The following ZBBX variants were observed in gnomAD, a reference collection of about 807,000 sequenced individuals.
ZBBX encodes zinc finger B-box domain containing.
Under a neutral mutation model 108.5 loss-of-function variants are expected in ZBBX, and 101 were observed. The observed-to-expected ratio is 0.93, with a 90% CI of 0.79 to 1.10. The LOEUF (loss-of-function observed/expected upper bound fraction) is 1.10, where lower values mean the gene tolerates loss of function less well. Among genes scored for constraint, ZBBX ranks in the 50% least tolerant of loss-of-function variants. The pLI is 0.00. For missense variants in ZBBX, 1,009 were observed against 941.4 expected, an observed-to-expected ratio of 1.07 and a Z score of -0.94; for synonymous variants, 356 against 323.4, an observed-to-expected ratio of 1.10 and a Z score of -1.08.
chr3:167,300,034 A>G, intron 17 of ZBBX, among the ~76,000 whole-genome samples: 1 of 152,188 alleles, frequency 6.6e-6, no homozygotes, highest in East Asian at 1.9e-4. Context: ...ATCTCCTATA[A>G]TAAGATGCTC....
intron 1 of ZBBX, among the ~76,000 whole-genome samples, chr3:167,399,170 AT>A (rs1748342217): frequency 6.6e-6 from 1 of 152,080 alleles, no homozygotes; most frequent in Admixed American, 6.6e-5. Context: ...TCACTCATTC[AT>A]TCACTAAACA....
chr3:167,255,089 TAA>T (rs1400512241), intron 20 of ZBBX, among the ~76,000 whole-genome samples: 1 of 151,928 alleles, frequency 6.6e-6, no homozygotes, highest in African/African-American at 2.4e-5. Flanking sequence ...TTCTCAAATA[TAA>T]AGAAAACTCA....
chr3:167,370,163 A>G (rs746498822), intron 4 of ZBBX, among the ~76,000 whole-genome samples: 9 of 152,208 alleles, frequency 5.9e-5, no homozygotes, highest in African/African-American at 9.6e-5. Context: ...ACAACCAATT[A>G]GTAGACTATT....
At chr3:167,384,914 A>G (rs933405485), upstream of ZBBX, among the ~76,000 whole-genome samples, 4 of 152,106 alleles carry the variant, frequency 2.6e-5, no homozygotes, top group Non-Finnish European at 5.9e-5. Flanking sequence ...TGCATTGCCA[A>G]TATCAACATT....
chr3:167,188,293 C>A, the ZBBX span, among the ~76,000 whole-genome samples: 5 of 151,922 alleles, frequency 3.3e-5, no homozygotes, highest in African/African-American at 1.2e-4. Context: ...GTAAAATCTT[C>A]AGATAAAAAA....
chr3:167,348,754 A>ATG (rs1472644499), intron 9 of ZBBX, among the ~76,000 whole-genome samples: 1 of 152,070 alleles, frequency 6.6e-6, no homozygotes, highest in Non-Finnish European at 1.5e-5. Flanking sequence ...CTATATATAT[A>ATG]TGAAGTGTAT....
chr3:167,329,922 G>T (rs1011507725), intron 10 of ZBBX, among the ~76,000 whole-genome samples: 7 of 152,180 alleles, frequency 4.6e-5, no homozygotes, highest in Non-Finnish European at 1.0e-4. Flanking sequence ...ACAGACATTT[G>T]CCCACATTGA....
intron 20 of ZBBX, among the ~76,000 whole-genome samples, chr3:167,259,154 T>TA (rs1444099474): frequency 1.3e-5 from 2 of 152,174 alleles, no homozygotes; most frequent in African/African-American, 2.4e-5. Context: ...TCACTGCTTG[T>TA]TATTGATCTG....
chr3:167,295,488 A>G (rs1225257903), intron 18 of ZBBX, among the ~76,000 whole-genome samples: 1 of 151,632 alleles, frequency 6.6e-6, no homozygotes, highest in Non-Finnish European at 1.5e-5. Context: ...GGAGTTGAAC[A>G]ATGAGAACAC....
rs1164543720 is a variant in ZBBX at position 167,359,870 on chromosome 3, C to T, written c.432G>A (p.Leu144=). The part of the protein sequence containing the change: ...CGQCENKAAL[L]VCLECGEDYC... Reference sequence around the variant, plus strand: ...TATATATACTATATAACGTACATACCAGTAGAGCAGCTTTGTTCTCACACT... The same window carrying T: ...TATATATACTATATAACGTACATACTAGTAGAGCAGCTTTGTTCTCACACT... The change falls in exon 8 of 22, where the codon CTG becomes CTA. Residue 144 remains leucine (L), a splice_region_variant and synonymous_variant. Transcript: ENST00000675490. 3 of 1,452,748 alleles carry T rather than the reference C, an allele frequency of 2.1e-6. No individual in the cohort carries two copies. Among genetic ancestry groups the T allele is most frequent in the African/African-American group, 2.8e-5 (2 of 70,318 alleles). 90.0% of individuals were successfully genotyped at this position (1,452,748 alleles called of 1,614,324 possible). A position where few individuals can be genotyped will look rare whatever the true frequency, so the allele number is the denominator to read the frequency against.
upstream of ZBBX, among the ~76,000 whole-genome samples, chr3:167,382,282 C>A (rs943288274): frequency 6.6e-6 from 1 of 152,116 alleles, no homozygotes; most frequent in African/African-American, 2.4e-5. Flanking sequence ...GTATGAAGTG[C>A]TTGTCTTTCA....
the ZBBX span, among the ~76,000 whole-genome samples, chr3:167,187,924 C>A: frequency 6.6e-6 from 1 of 152,156 alleles, no homozygotes; most frequent in South Asian, 2.1e-4. Context: ...ATTTGCAATG[C>A]ATTCTACTGT....
the ZBBX span, among the ~76,000 whole-genome samples, chr3:167,182,819 G>A: frequency 2.7e-5 from 4 of 146,742 alleles, no homozygotes; most frequent in South Asian, 8.7e-4. Context: ...GGTCCATATT[G>A]ATTAATAGCT....
intron 20 of ZBBX, among the ~76,000 whole-genome samples, chr3:167,255,431 T>C (rs1311791917): frequency 6.6e-6 from 1 of 151,988 alleles, no homozygotes; most frequent in Non-Finnish European, 1.5e-5. Flanking sequence ...TTAATCCATA[T>C]TGATTTTCAC....
upstream of ZBBX, among the ~76,000 whole-genome samples, chr3:167,383,147 A>C (rs1382730267): frequency 6.6e-6 from 1 of 152,234 alleles, no homozygotes; most frequent in African/African-American, 2.4e-5. Flanking sequence ...TGGGACAAAT[A>C]TCATATCTGC....
the ZBBX span, among the ~76,000 whole-genome samples, chr3:167,216,261 T>A: frequency 6.6e-6 from 1 of 152,132 alleles, no homozygotes; most frequent in African/African-American, 2.4e-5. Context: ...CTTCACCTGA[T>A]AAACAACTTC....
chr3:167,251,515 G>A (rs975284526), intron 20 of ZBBX, among the ~76,000 whole-genome samples: 2 of 152,130 alleles, frequency 1.3e-5, no homozygotes, highest in African/African-American at 4.8e-5. Context: ...GAAGAAGTGA[G>A]CCACACCCCC....
downstream of ZBBX, among the ~76,000 whole-genome samples, chr3:167,235,106 C>T (rs568600887): frequency 6.6e-6 from 1 of 151,846 alleles, no homozygotes; most frequent in African/African-American, 2.4e-5. Context: ...GTAAATTTCA[C>T]TGCTCTTTAG....
chr3:167,216,826 T>C, the ZBBX span, among the ~76,000 whole-genome samples: 1 of 152,070 alleles, frequency 6.6e-6, no homozygotes, highest in African/African-American at 2.4e-5. Context: ...TGCACGTCTA[T>C]GATCATCTGA....
Sources: allele counts gnomAD v4.1 joint callset (sites outside exome capture counted in the v4.1 genomes callset), GRCh38; gene constraint gnomAD v4.1.1; transcripts MANE v1.5; gene names NCBI Gene and HGNC (gene_info 2026-07-23, HGNC 2026-07-21).